KHSRP: variants seen among roughly 807,000 people sequenced by gnomAD.
KHSRP encodes the protein KH-type splicing regulatory protein.
A neutral mutation model predicts 94.9 loss-of-function variants in KHSRP; 13 were observed. The observed-to-expected ratio is 0.14, with a 90% CI of 0.09 to 0.22. KHSRP has a LOEUF of 0.22. Ranked by LOEUF, KHSRP falls within the 10% of genes least tolerant of loss-of-function variation. The probability of loss-of-function intolerance (pLI) is 1.00; values close to 1 mark genes in which losing one functional copy is unlikely to be tolerated. For missense variants in KHSRP, 710 were observed against 1,010.0 expected (o/e 0.70, Z 4.03); for synonymous variants, 495 against 401.4 (o/e 1.23, Z -2.79).
At position 6,416,829 on chromosome 19, in the gene KHSRP, G is replaced by A; in HGVS notation, c.1236C>T (p.Gly412=). ...GGPGMPPGGR[G]RGRGQGNWGP... is the part of the protein sequence containing the mutation. Reference sequence around the variant, plus strand: ...CCCAATTGCCTTGGCCTCTTCCTCGGCCTCGGCCCCCCGGGGGCATGCCTG... The same window carrying A: ...CCCAATTGCCTTGGCCTCTTCCTCGACCTCGGCCCCCCGGGGGCATGCCTG... Residue 412 remains glycine, a synonymous_variant, in exon 13 of 19, where the codon GGC becomes GGT. Coordinates refer to ENST00000600480, the MANE Select transcript of KHSRP (RefSeq NM_001366299.1). The A allele has an allele frequency of 6.3e-7, 1 of 1,589,350 alleles. No individual in the cohort carries two copies. The highest frequency in any genetic ancestry group is 1.1e-5 in the South Asian group (1 of 88,432).
At position 6,415,294 on chromosome 19, in the gene KHSRP, C is replaced by T. The variant is rs1387345362; in HGVS notation, c.1974G>A (p.Val658=). Residue 658 remains valine (V), a synonymous_variant, in exon 19 of 19, where the codon GTG becomes GTA. Transcript: ENST00000600480. ...GAGCTCCTGGACCCCCTCCGGTGGCCACTTGCGCTGTGGGTGGACAAAGGC... is the reference window on the plus strand; with the variant it reads ...GAGCTCCTGGACCCCCTCCGGTGGCTACTTGCGCTGTGGGTGGACAAAGGC... ...WEEYYKKQAQ[V]ATGGGPGAPP... 6.2e-7 allele frequency: 1 copy of T among 1,613,320 alleles called. No homozygotes were observed. Among genetic ancestry groups the T allele is most frequent in the Non-Finnish European group, 8.5e-7 (1 of 1,179,838 alleles).
chr19:6,416,109 C>T (rs1160263634), intron 15 of KHSRP, among the ~76,000 whole-genome samples, 189 bp downstream of exon 15: 1 of 152,206 alleles, frequency 6.6e-6, no homozygotes, highest in Non-Finnish European at 1.5e-5. Context: ...CTTGCACGTG[C>T]ACAGAGGGAT....
rs113112545 is a variant in KHSRP, at chr19:6,419,132, T to C, written c.605+71A>G. ...ATGGCGTGCAAGTTGCTCCCAACTTTCAATTCAAACGGACAGAGCAGGCTT... is the reference window on the plus strand; with the variant it reads ...ATGGCGTGCAAGTTGCTCCCAACTTCCAATTCAAACGGACAGAGCAGGCTT... On this transcript the variant is annotated intron_variant, in intron 7 of 18. Transcript: ENST00000600480. 48 of 1,449,976 alleles carry C rather than the reference T, an allele frequency of 3.3e-5. No individual in the cohort carries two copies. The East Asian group carries it at 4.2e-4, about 13-fold the overall frequency. 89.8% of individuals were successfully genotyped at this position (1,449,976 alleles called of 1,614,324 possible).
intron 6 of KHSRP, 96 bp from the exon 7 acceptor site, chr19:6,419,356 A>G: frequency 1.8e-6 from 2 of 1,124,644 alleles, no homozygotes. Flanking sequence ...ACCAAGGGCC[A>G]CTTCTGTCCC....
Position 6,413,902 on chromosome 19 carries a change from G to T in KHSRP, c.*1122C>A. ...CTCAACATGGAAGGATCCCAATTTT[G>T]AAAGAAAAAGCATGTGAGACACAGA... is the stretch of plus-strand genomic sequence containing the variant. On this transcript the variant is annotated 3_prime_UTR_variant, in exon 19 of 19. Coordinates refer to ENST00000600480, the MANE Select transcript of KHSRP (RefSeq NM_001366299.1). 4.6e-6 allele frequency: 2 copies of T among 439,550 alleles called. No individual in the cohort carries two copies. The highest frequency in any genetic ancestry group is 3.7e-6 in the Non-Finnish European group (1 of 268,006). The allele number at this position is 439,550 out of a possible 1,614,324, so 27.2% of individuals were successfully genotyped here.
intron 10 of KHSRP, 63 bp from the exon 11 acceptor site, chr19:6,417,904 G>T: frequency 6.3e-7 from 1 of 1,599,440 alleles, no homozygotes; most frequent in Non-Finnish European, 8.6e-7. Context: ...CTGCCCACTG[G>T]CCACAAGGAG....
chr19:6,424,502 G>A lies in KHSRP; in HGVS notation c.200C>T (p.Pro67Leu), dbSNP rs2092219983. ...GGCGAAAGCGTCCTTGCGGATTCCC[G>A]GGCCGCCTCCGCCGGGTGGCTGAGA... ...GPSQPPGGGG[P>L]GIRKDAFADA... The change falls in exon 1 of 19, where the codon CCG becomes CTG. Residue 67 changes from proline (P) to leucine (L), a missense_variant. Pro to Leu is a moderately conservative substitution (Grantham distance 98). Transcript: ENST00000600480. 12 of 988,166 alleles carry A rather than the reference G, an allele frequency of 1.2e-5. No individual in the cohort carries two copies. The highest frequency in any genetic ancestry group is 6.2e-5 in the Admixed American group (1 of 16,054). 61.2% of individuals were successfully genotyped at this position (988,166 alleles called of 1,614,324 possible).
In KHSRP at chr19:6,414,702, A is replaced by G. The variant is rs1338717936; in HGVS notation, c.*322T>C. 6.8e-6 allele frequency: 7 copies of G among 1,025,518 alleles called. No individual in the cohort carries two copies. Among genetic ancestry groups the G allele is most frequent in the Non-Finnish European group, 8.2e-6 (7 of 856,780 alleles). 63.5% of individuals were successfully genotyped at this position (1,025,518 alleles called of 1,614,324 possible). On this transcript the variant is annotated 3_prime_UTR_variant, in exon 19 of 19. Coordinates refer to ENST00000600480, the MANE Select transcript of KHSRP (RefSeq NM_001366299.1). ...CATGGGTTTAAAAAATAAAAGAATA[A>G]AAAGAACAAAAACCAAAAAAGTGAT...
chr19:6,415,149 G>A lies in KHSRP; in HGVS notation c.2119C>T (p.Gln707Ter). Residue 707 changes from glutamine (Q) to a stop codon, truncating the protein, a stop_gained, in exon 19 of 19, where the codon CAG becomes TAG. Transcript: ENST00000600480. LOFTEE classifies it high-confidence loss of function. ...GPQPPPTQQG[Q>*]QQASGNCHPP... is the part of the protein sequence containing the mutation. Reference sequence around the variant, plus strand: ...TGGCAATTCCCACTTGCCTGCTGCTGTCCCTGCTGCGTGGGCGGCGGCTGG... The same window carrying A: ...TGGCAATTCCCACTTGCCTGCTGCTATCCCTGCTGCGTGGGCGGCGGCTGG... 1 of 1,604,798 alleles carries A rather than the reference G, an allele frequency of 6.2e-7. No individual in the cohort carries two copies. The highest frequency in any genetic ancestry group is 8.5e-7 in the Non-Finnish European group (1 of 1,178,916).
rs1300165749 is a variant in KHSRP, at chr19:6,415,147, C to T, written c.2121G>A (p.Gln707=). The T allele has an allele frequency of 1.2e-6, 2 of 1,603,544 alleles. No homozygotes were observed. The highest frequency in any genetic ancestry group is 1.7e-6 in the Non-Finnish European group (2 of 1,178,648). ...GGTGGCAATTCCCACTTGCCTGCTG[C>T]TGTCCCTGCTGCGTGGGCGGCGGCT... ...GPQPPPTQQG[Q]QQASGNCHPP... Residue 707 remains glutamine, a synonymous_variant, in exon 19 of 19, where the codon CAG becomes CAA. Transcript: ENST00000600480.
At chr19:6,416,228 G>T (rs1396246754) in intron 15 of KHSRP, 70 bp downstream of exon 15, 1 of 1,265,992 alleles carries the variant, frequency 7.9e-7, no homozygotes, top group East Asian at 2.5e-5. Flanking sequence ...AAGGGAAATG[G>T]GGTCTGCTAT....
rs764013651 is a variant in KHSRP, at chr19:6,415,300, C to T, written c.1968G>A (p.Ala656=). 8.1e-6 allele frequency: 13 copies of T among 1,613,222 alleles called. No homozygotes were observed. Among genetic ancestry groups the T allele is most frequent in the South Asian group, 4.4e-5 (4 of 91,080 alleles). The change falls in exon 19 of 19, where the codon GCG becomes GCA. Residue 656 remains alanine (A), a splice_region_variant and synonymous_variant. Transcript: ENST00000600480. ...KAWEEYYKKQ[A]QVATGGGPGA... is the part of the protein sequence containing the mutation. ...CTGGACCCCCTCCGGTGGCCACTTG[C>T]GCTGTGGGTGGACAAAGGCAGGTGA...
At position 6,414,193 on chromosome 19, in the gene KHSRP, G is replaced by A. The variant is rs1599233928; in HGVS notation, c.*831C>T. 1.3e-6 allele frequency: 2 copies of A among 1,567,516 alleles called. No individual in the cohort carries two copies. The highest frequency in any genetic ancestry group is 1.7e-6 in the Non-Finnish European group (2 of 1,158,298). Reference sequence around the variant, plus strand: ...GTGGGAGACTAGGGGGCGGAAGAGAGGAGGGGCTGGAACACCGTGGGGGGG... The same window carrying A: ...GTGGGAGACTAGGGGGCGGAAGAGAAGAGGGGCTGGAACACCGTGGGGGGG... On this transcript the variant is annotated 3_prime_UTR_variant, in exon 19 of 19. Transcript: ENST00000600480.
Position 6,421,300 on chromosome 19 carries a change from C to G in KHSRP, c.403G>C (p.Gly135Arg). ...SQGDSISSQL[G>R]PIHPPPRTSM... ...TACCTTGGGGGAGGATGGATGGGTC[C>G]AAGTTGAGAACTGATTGCTGTAGAG... The change falls in exon 4 of 19, where the codon GGA (glycine) becomes CGA (arginine). Residue 135 changes from glycine to arginine, a missense_variant. Transcript: ENST00000600480. The G allele has an allele frequency of 1.3e-6, 2 of 1,590,446 alleles. No homozygotes were observed. The highest frequency in any genetic ancestry group is 1.3e-5 in the African/African-American group (1 of 74,558).
At chr19:6,423,663 G>A (rs1346504332) in intron 1 of KHSRP, among the ~76,000 whole-genome samples, 1 of 152,208 alleles carries the variant, frequency 6.6e-6, no homozygotes, top group Non-Finnish European at 1.5e-5. Context: ...CTCCCACCTT[G>A]GGAGGAGCCA....
At chr19:6,419,878 T>TA (rs1029998599) in intron 6 of KHSRP, among the ~76,000 whole-genome samples, 195 bp downstream of exon 6, 6 of 151,834 alleles carry the variant, frequency 4.0e-5, no homozygotes, top group South Asian at 2.1e-4. Context: ...CCACTGAAAA[T>TA]AAAAAAAGTC....
At position 6,418,407 on chromosome 19, in the gene KHSRP, G is replaced by C; in HGVS notation, c.879+76C>G. The C allele has an allele frequency of 9.6e-7, 1 of 1,042,772 alleles. No homozygotes were observed. The highest frequency in any genetic ancestry group is 1.3e-5 in the South Asian group (1 of 75,068). 64.6% of individuals were successfully genotyped at this position (1,042,772 alleles called of 1,614,324 possible). On this transcript the variant is annotated intron_variant, in intron 9 of 18. Coordinates refer to ENST00000600480, the MANE Select transcript of KHSRP (RefSeq NM_001366299.1). This position sits in a 1 kb window ranked among gnomAD's most constrained non-coding sequence, Gnocchi z 4.3. ...TCACATATCTCTCTGGCGGAATGCAGACCCCGAGACCGCTGGCCCTGCCCA... is the reference window on the plus strand; with the variant it reads ...TCACATATCTCTCTGGCGGAATGCACACCCCGAGACCGCTGGCCCTGCCCA...
intron 2 of KHSRP, 34 bp downstream of exon 2, chr19:6,422,306 T>C (rs774069025): frequency 6.8e-7 from 1 of 1,473,120 alleles, no homozygotes; most frequent in South Asian, 1.1e-5. Context: ...CCCCAGCCCT[T>C]CCTCCTAAGC....
rs1273255889 is a variant in KHSRP at position 6,418,524 on chromosome 19, C to G, written c.838G>C (p.Asp280His). 6.2e-7 allele frequency: 1 copy of G among 1,613,970 alleles called. No individual in the cohort carries two copies. Among genetic ancestry groups the G allele is most frequent in the Non-Finnish European group, 8.5e-7 (1 of 1,179,880 alleles). ...IQDGSQNTNV[D>H]KPLRIIGDPY... ...TCCCCAATGATGCGGAGAGGTTTGT[C>G]CACATTCGTATTCTGAGATCCGTCC... Residue 280 changes from aspartate (D) to histidine (H), a missense_variant, in exon 9 of 19, where the codon GAC becomes CAC. Asp to His is a moderately conservative substitution (Grantham distance 81). Coordinates refer to ENST00000600480, the MANE Select transcript of KHSRP (RefSeq NM_001366299.1). The surrounding 1 kb of genome is among the most constrained non-coding windows in gnomAD (Gnocchi z 4.3).
Sources: gnomAD v4.1 joint callset for allele counts (sites outside exome capture counted in the v4.1 genomes callset) on GRCh38, gnomAD v4.1.1 for gene constraint, Gnocchi (gnomAD v3.1) non-coding constraint, MANE v1.5 for transcripts, NCBI Gene and HGNC (gene_info 2026-07-23, HGNC 2026-07-21) for gene names.